Variants in SAMD5 observed in about 807,000 individuals in gnomAD.
The protein encoded by SAMD5 is sterile alpha motif domain-containing protein 5.
SAMD5 carries 13 observed loss-of-function variants against 11.3 expected under a neutral mutation model. The observed-to-expected ratio is 1.15, with a 90% CI of 0.75 to 1.83. The LOEUF (loss-of-function observed/expected upper bound fraction) is 1.83, where lower values mean the gene tolerates loss of function less well. Among genes scored for constraint, SAMD5 ranks in the 40% most tolerant of loss-of-function variants. The probability of loss-of-function intolerance (pLI) is 0.00; values close to 1 mark genes in which losing one functional copy is unlikely to be tolerated. For missense variants in SAMD5, 255 were observed against 239.1 expected, an observed-to-expected ratio of 1.07 and a Z score of -0.44; for synonymous variants, 129 against 111.3, an observed-to-expected ratio of 1.16 and a Z score of -1.00.
intron 1 of SAMD5, among the ~76,000 whole-genome samples, chr6:147,510,306 C>T (rs758172165): frequency 6.6e-6 from 1 of 152,202 alleles, no homozygotes; most frequent in South Asian, 2.1e-4. Context: ...CTGCTTCTAG[C>T]TGCGAGTCTG....
chr6:147,865,780 A>G, the SAMD5 span, among the ~76,000 whole-genome samples: 13 of 152,274 alleles, frequency 8.5e-5, no homozygotes, highest in Non-Finnish European at 1.8e-4. Context: ...ACTCTCTTTC[A>G]TTTTGTTTTG....
At chr6:147,869,002 A>C in the SAMD5 span, among the ~76,000 whole-genome samples, 3 of 152,224 alleles carry the variant, frequency 2.0e-5, no homozygotes, top group Admixed American at 6.5e-5. Flanking sequence ...TTCCATTTGT[A>C]ATTAGATCAC....
At chr6:147,540,300 G>A (rs370747888) in intron 1 of SAMD5, among the ~76,000 whole-genome samples, 1 of 152,146 alleles carries the variant, frequency 6.6e-6, no homozygotes, top group African/African-American at 2.4e-5. Flanking sequence ...CTACTGAGTC[G>A]GAGAGCAGTG....
At chr6:147,791,578 T>C in the SAMD5 span, among the ~76,000 whole-genome samples, 1 of 152,128 alleles carries the variant, frequency 6.6e-6, no homozygotes. Flanking sequence ...TATTTATGCA[T>C]GCAAAAATAT....
At chr6:147,889,778 CTT>C in the SAMD5 span, among the ~76,000 whole-genome samples, 1 of 152,168 alleles carries the variant, frequency 6.6e-6, no homozygotes, top group Non-Finnish European at 1.5e-5. Context: ...TTAGTCTGAT[CTT>C]TGGGGTGAAC....
intron 1 of SAMD5, among the ~76,000 whole-genome samples, chr6:147,536,087 C>T (rs1019251582): frequency 6.6e-6 from 1 of 152,060 alleles, no homozygotes; most frequent in Non-Finnish European, 1.5e-5. Context: ...GGGTTCACGC[C>T]ATTCTCCCGC....
chr6:147,705,576 T>C (rs1055220684), intron 1 of SAMD5, among the ~76,000 whole-genome samples: 5 of 152,246 alleles, frequency 3.3e-5, no homozygotes, highest in Non-Finnish European at 2.9e-5. Flanking sequence ...AGAATTCTAC[T>C]GTATCCTCTC....
chr6:147,745,765 G>GTTTC, the SAMD5 span, among the ~76,000 whole-genome samples: 1 of 148,524 alleles, frequency 6.7e-6, no homozygotes, highest in Non-Finnish European at 1.5e-5. Context: ...CTCTGGGAAG[G>GTTTC]TTTCTTTCTT....
chr6:147,702,461 G>T (rs572838356), intron 1 of SAMD5, among the ~76,000 whole-genome samples: 1 of 152,274 alleles, frequency 6.6e-6, no homozygotes, highest in African/African-American at 2.4e-5. Flanking sequence ...TGTTTGAACT[G>T]ATTTACAGAG....
chr6:147,522,537 G>T (rs17076883), intron 1 of SAMD5, among the ~76,000 whole-genome samples: 2 of 151,996 alleles, frequency 1.3e-5, no homozygotes, highest in South Asian at 2.1e-4. Flanking sequence ...CTATTTTTAC[G>T]TAACTGAGAA....
chr6:147,792,137 T>G, the SAMD5 span, among the ~76,000 whole-genome samples: 8 of 152,138 alleles, frequency 5.3e-5, no homozygotes, highest in African/African-American at 1.9e-4. Context: ...TATTATAAAT[T>G]TATGAAACAA....
At chr6:147,660,381 T>C (rs964589165) in intron 1 of SAMD5, among the ~76,000 whole-genome samples, 6 of 152,110 alleles carry the variant, frequency 3.9e-5, no homozygotes, top group Non-Finnish European at 7.4e-5. Context: ...ACCCCTTCCT[T>C]TCCTAGGCCT....
intron 1 of SAMD5, among the ~76,000 whole-genome samples, chr6:147,522,871 T>C (rs1788275707): frequency 6.6e-6 from 1 of 152,116 alleles, no homozygotes; most frequent in Admixed American, 6.6e-5. Context: ...TGGGTAAAGG[T>C]TTCCTTTTCT....
intron 1 of SAMD5, among the ~76,000 whole-genome samples, chr6:147,689,349 A>G (rs961294704): frequency 1.3e-5 from 2 of 152,238 alleles, no homozygotes; most frequent in African/African-American, 4.8e-5. Context: ...GTCAGCTCAG[A>G]AAGAATGGGC....
the SAMD5 span, among the ~76,000 whole-genome samples, chr6:147,933,687 T>C: frequency 3.6e-4 from 53 of 148,316 alleles, no homozygotes; most frequent in African/African-American, 1.3e-3. Flanking sequence ...GTAATGCAAA[T>C]GCCACTTTTT....
the SAMD5 span, among the ~76,000 whole-genome samples, chr6:147,857,790 A>G: frequency 1.3e-5 from 2 of 152,342 alleles, no homozygotes; most frequent in East Asian, 1.9e-4. Context: ...GGGCTAATTA[A>G]TTGGCATAAA....
the SAMD5 span, among the ~76,000 whole-genome samples, chr6:147,925,736 A>G: frequency 7.8e-6 from 1 of 128,894 alleles, no homozygotes; most frequent in Non-Finnish European, 1.6e-5. Flanking sequence ...GGTTTGTTAT[A>G]TAGGTAAACT....
At chr6:147,552,573 A>G (rs137863205) in intron 1 of SAMD5, among the ~76,000 whole-genome samples, 51 of 152,326 alleles carry the variant, frequency 3.3e-4, no homozygotes, top group Non-Finnish European at 5.3e-4. Flanking sequence ...AGTGTTTTAT[A>G]TAAACACATT....
chr6:147,773,939 C>A, the SAMD5 span, among the ~76,000 whole-genome samples: 1 of 151,994 alleles, frequency 6.6e-6, no homozygotes, highest in Non-Finnish European at 1.5e-5. Flanking sequence ...ACCTCCCAGG[C>A]TCAGGTTATC....
Sources: gnomAD v4.1 joint callset for allele counts (sites outside exome capture counted in the v4.1 genomes callset) on GRCh38, gnomAD v4.1.1 for gene constraint, MANE v1.5 for transcripts, NCBI Gene and HGNC (gene_info 2026-07-23, HGNC 2026-07-21) for gene names.